Variants in CTNNBL1 observed in about 807,000 individuals in gnomAD.
The protein encoded by CTNNBL1 is beta-catenin-like protein 1.
In CTNNBL1, 31 loss-of-function variants were observed where a neutral mutation model predicts 72.7. The observed-to-expected ratio is 0.43, with a 90% CI of 0.32 to 0.58. The LOEUF (loss-of-function observed/expected upper bound fraction) is 0.58. Ranked by LOEUF, CTNNBL1 falls within the 20% of genes least tolerant of loss-of-function variation. CTNNBL1 has a pLI of 0.08. For missense variants in CTNNBL1, 534 were observed against 725.1 expected (o/e 0.74, Z 3.03); for synonymous variants, 240 against 267.3 (o/e 0.90, Z 1.00).
chr20:37,713,601 G>A (rs959706822), intron 1 of CTNNBL1, among the ~76,000 whole-genome samples: 1 of 152,170 alleles, frequency 6.6e-6, no homozygotes, highest in Non-Finnish European at 1.5e-5. Flanking sequence ...TAATATCATG[G>A]GGTGGGTGTG....
At chr20:37,830,838 C>G (rs1204179965) in intron 11 of CTNNBL1, among the ~76,000 whole-genome samples, 1 of 152,176 alleles carries the variant, frequency 6.6e-6, no homozygotes, top group Admixed American at 6.5e-5. Flanking sequence ...AAAGTGTTGA[C>G]TGTATCACAT....
chr20:37,781,680 C>T (rs905003638), intron 10 of CTNNBL1, among the ~76,000 whole-genome samples: 1 of 151,932 alleles, frequency 6.6e-6, no homozygotes, highest in South Asian at 2.1e-4. Flanking sequence ...ATTTTTTTTC[C>T]ATACTATAGT....
chr20:37,828,180 C>A (rs575725093), intron 11 of CTNNBL1, among the ~76,000 whole-genome samples: 1 of 152,168 alleles, frequency 6.6e-6, no homozygotes, highest in Non-Finnish European at 1.5e-5. Flanking sequence ...GGTACAGATA[C>A]GACTGAGACG....
At chr20:37,847,874 A>T (rs1265409581) in intron 13 of CTNNBL1, 2 of 152,726 alleles carry the variant, frequency 1.3e-5, no homozygotes, top group Non-Finnish European at 2.9e-5. Context: ...AAAAAGATGG[A>T]CTCCTTGTAA....
At chr20:37,798,356 A>G (rs2073796386) in intron 10 of CTNNBL1, among the ~76,000 whole-genome samples, 1 of 152,064 alleles carries the variant, frequency 6.6e-6, no homozygotes, top group Non-Finnish European at 1.5e-5. Context: ...GCAGTGGATG[A>G]CTCTCCACCA....
At chr20:37,871,380 C>T (rs377680494) in intron 15 of CTNNBL1, among the ~76,000 whole-genome samples, 59 of 152,188 alleles carry the variant, frequency 3.9e-4, no homozygotes, top group Middle Eastern at 3.4e-3. Flanking sequence ...ATTCTGGAGG[C>T]GGGGGGTCCA....
intron 11 of CTNNBL1, among the ~76,000 whole-genome samples, chr20:37,809,361 A>G (rs935867192): frequency 1.2e-4 from 19 of 152,186 alleles, no homozygotes; most frequent in African/African-American, 4.1e-4. Flanking sequence ...ATTTCAGCCA[A>G]TATGTTCATT....
At chr20:37,860,126 G>A in intron 14 of CTNNBL1, 90 bp downstream of exon 14, 1 of 1,532,766 alleles carries the variant, frequency 6.5e-7, no homozygotes, top group Non-Finnish European at 9.0e-7. Flanking sequence ...GGAAAGAAGG[G>A]GGTCACGCTC....
chr20:37,839,937 G>C (rs1273828778), intron 11 of CTNNBL1, among the ~76,000 whole-genome samples, 165 bp from the exon 12 acceptor site: 2 of 152,140 alleles, frequency 1.3e-5, no homozygotes, highest in East Asian at 3.8e-4. Flanking sequence ...GTGAAGATTG[G>C]TTCGGTTTTT....
rs1181903003 is a variant in CTNNBL1, at chr20:37,737,396, A to G, written c.238A>G (p.Ser80Gly). The change falls in exon 3 of 16, where the codon AGC (serine) becomes GGC (glycine). Residue 80 changes from serine (S) to glycine (G), a missense_variant. Transcript: ENST00000361383. ...EEEEEEPLDE[S>G]SVKKMILTFE... Reference sequence around the variant, plus strand: ...GTACCAGGAGGAGCCATTGGATGAAAGCTCAGTGAAGAAAATGATCCTCAC... The same window carrying G: ...GTACCAGGAGGAGCCATTGGATGAAGGCTCAGTGAAGAAAATGATCCTCAC... 1.2e-6 allele frequency: 2 copies of G among 1,613,538 alleles called. No homozygotes were observed. Among genetic ancestry groups the G allele is most frequent in the Admixed American group, 1.7e-5 (1 of 59,956 alleles).
At position 37,842,377 on chromosome 20, in the gene CTNNBL1, T is replaced by C. The variant is rs2072311405; in HGVS notation, c.1350T>C (p.Gly450=). 1.2e-6 allele frequency: 2 copies of C among 1,613,964 alleles called. No individual in the cohort carries two copies. The highest frequency in any genetic ancestry group is 1.7e-6 in the Non-Finnish European group (2 of 1,179,832). Residue 450 remains glycine (G), a synonymous_variant, in exon 13 of 16, where the codon GGT becomes GGC. Coordinates refer to ENST00000361383, the MANE Select transcript of CTNNBL1 (RefSeq NM_030877.5). ...TGGAGTTGCATTTTAAATATCTGGG[T>C]GCAATGCAGGTGGCGGACAAGAAGA... ...RLMELHFKYL[G]AMQVADKKIE... is the part of the protein sequence containing the mutation.
chr20:37,867,952 A>T (rs573257422), intron 15 of CTNNBL1, among the ~76,000 whole-genome samples: 7 of 152,318 alleles, frequency 4.6e-5, no homozygotes, highest in Admixed American at 1.3e-4. Context: ...GTGGATGAGT[A>T]CTAGGCCGGG....
intron 9 of CTNNBL1, among the ~76,000 whole-genome samples, chr20:37,778,908 T>C (rs2073599886): frequency 1.3e-5 from 2 of 152,202 alleles, no homozygotes; most frequent in African/African-American, 4.8e-5. Flanking sequence ...TTGTTTTTTA[T>C]TGGGTTTTGG....
chr20:37,809,969 A>T (rs1361980735), intron 11 of CTNNBL1, among the ~76,000 whole-genome samples: 1 of 152,098 alleles, frequency 6.6e-6, no homozygotes, highest in African/African-American at 2.4e-5. Context: ...TAACCAATTT[A>T]TGGTTGTACC....
intron 1 of CTNNBL1, among the ~76,000 whole-genome samples, chr20:37,706,768 A>G (rs2072889334): frequency 6.6e-6 from 1 of 152,220 alleles, no homozygotes; most frequent in African/African-American, 2.4e-5. Flanking sequence ...AAAGTTTTCA[A>G]TTTATTTTGC....
intron 1 of CTNNBL1, among the ~76,000 whole-genome samples, chr20:37,706,619 T>G (rs1025012562): frequency 6.6e-6 from 1 of 152,226 alleles, no homozygotes; most frequent in African/African-American, 2.4e-5. Context: ...GTTCTTCCAC[T>G]GAAATCTTGA....
At chr20:37,721,804 G>A (rs1600444157) in intron 1 of CTNNBL1, among the ~76,000 whole-genome samples, 2 of 152,132 alleles carry the variant, frequency 1.3e-5, no homozygotes, top group South Asian at 4.1e-4. Context: ...ATTGTCCAGT[G>A]ATCATTCTTT....
chr20:37,840,050 A>G, intron 11 of CTNNBL1, 52 bp from the exon 12 acceptor site: 2 of 1,330,292 alleles, frequency 1.5e-6, no homozygotes. Flanking sequence ...GAAGAGAGGT[A>G]ATAATTACTG....
chr20:37,717,473 A>C (rs188654326), intron 1 of CTNNBL1, among the ~76,000 whole-genome samples: 2 of 152,350 alleles, frequency 1.3e-5, no homozygotes, highest in African/African-American at 4.8e-5. Flanking sequence ...CCTTGGTTTA[A>C]ACCTATAAAT....
Sources: gnomAD v4.1 joint callset for allele counts (sites outside exome capture counted in the v4.1 genomes callset) on GRCh38, gnomAD v4.1.1 for gene constraint, MANE v1.5 for transcripts, NCBI Gene and HGNC (gene_info 2026-07-23, HGNC 2026-07-21) for gene names.